Variants in MTDH observed in about 807,000 individuals in gnomAD.
The protein encoded by MTDH is metadherin.
MTDH carries 34 observed loss-of-function variants against 72.7 expected under a neutral mutation model. The ratio of observed to expected loss-of-function variants is 0.47; its 90% CI spans 0.36 to 0.62. MTDH has a LOEUF of 0.62. Ranked by LOEUF, MTDH falls within the 20% of genes least tolerant of loss-of-function variation. MTDH has a pLI of 0.00. For missense variants in MTDH, 677 were observed against 699.4 expected, an observed-to-expected ratio of 0.97 and a Z score of 0.36; for synonymous variants, 266 against 268.9, an observed-to-expected ratio of 0.99 and a Z score of 0.10.
chr8:97,671,430 C>T (rs1812617350), intron 2 of MTDH, among the ~76,000 whole-genome samples: 2 of 152,000 alleles, frequency 1.3e-5, no homozygotes, highest in Non-Finnish European at 2.9e-5. Flanking sequence ...TAAAATCTGC[C>T]ACTGTTCTCG....
At chr8:97,678,057 A>G (rs905117251) in intron 2 of MTDH, among the ~76,000 whole-genome samples, 1 of 152,194 alleles carries the variant, frequency 6.6e-6, no homozygotes, top group African/African-American at 2.4e-5. Context: ...TTAGTACCAG[A>G]GCAAATTTCC....
At chr8:97,698,852 A>T (rs565389119) in intron 6 of MTDH, among the ~76,000 whole-genome samples, 2 of 152,194 alleles carry the variant, frequency 1.3e-5, no homozygotes. Context: ...TGACTTCTTG[A>T]AATTTGTAGG....
In MTDH at chr8:97,682,893, T is replaced by C. The variant is rs1057368442; in HGVS notation, c.484-3775T>C. 1.3e-5 allele frequency among the ~76,000 whole-genome samples: 2 copies of C among 151,998 alleles called. 1 individual carries two copies. Among genetic ancestry groups the C allele is most frequent in the South Asian group, 4.1e-4 (2 of 4,822 alleles). On this transcript the variant is annotated intron_variant, in intron 2 of 11. Transcript: ENST00000336273. ...GTGGGGAACAGGGTTTAGAATGATT[T>C]AGCCCAAAGTCACATAGCTAATGTA...
At chr8:97,717,749 T>G (rs554037614) in intron 9 of MTDH, among the ~76,000 whole-genome samples, 1 of 151,990 alleles carries the variant, frequency 6.6e-6, no homozygotes, top group South Asian at 2.1e-4. Flanking sequence ...TGAGATTGTT[T>G]GTTTGTTTGT....
intron 6 of MTDH, among the ~76,000 whole-genome samples, chr8:97,699,353 C>G (rs908984716): frequency 3.3e-5 from 5 of 151,876 alleles, no homozygotes; most frequent in African/African-American, 1.2e-4. Context: ...AGGAGGATCT[C>G]TTGAGCCTGC....
intron 9 of MTDH, among the ~76,000 whole-genome samples, chr8:97,715,598 A>G (rs16896121): frequency 0.21 from 31,815 of 152,224 alleles, 3,535 homozygotes; most frequent in East Asian, 0.33. Flanking sequence ...TAACATAGCT[A>G]AGATCAGTGG....
At chr8:97,652,275 G>A (rs577272286) in intron 1 of MTDH, among the ~76,000 whole-genome samples, 1 of 152,264 alleles carries the variant, frequency 6.6e-6, no homozygotes, top group African/African-American at 2.4e-5. Flanking sequence ...TGAGTTTCCT[G>A]TCATTTGCTG....
intron 2 of MTDH, among the ~76,000 whole-genome samples, chr8:97,677,180 CAAA>C (rs71271142): frequency 4.5e-5 from 2 of 44,130 alleles, no homozygotes; most frequent in African/African-American, 2.2e-4. Context: ...AAGCCTGTCT[CAAA>C]AAAAAAAAAA....
At chr8:97,678,820 A>C (rs1279762850) in intron 2 of MTDH, among the ~76,000 whole-genome samples, 1 of 152,008 alleles carries the variant, frequency 6.6e-6, no homozygotes, top group East Asian at 1.9e-4. Flanking sequence ...CTTACCAGAT[A>C]CTTTTACAAA....
intron 6 of MTDH, among the ~76,000 whole-genome samples, chr8:97,691,701 G>GTT (rs1457439154): frequency 2.2e-5 from 3 of 138,224 alleles, no homozygotes; most frequent in African/African-American, 8.5e-5. Context: ...GTGTGTGTGT[G>GTT]TTTGTGTGTG....
chr8:97,697,561 A>G (rs954399323), intron 6 of MTDH, among the ~76,000 whole-genome samples: 1 of 151,286 alleles, frequency 6.6e-6, no homozygotes, highest in Non-Finnish European at 1.5e-5. Flanking sequence ...AATTTTTTGT[A>G]TTTTTAGTAG....
At chr8:97,671,705 T>C (rs911910746) in intron 2 of MTDH, among the ~76,000 whole-genome samples, 5 of 152,072 alleles carry the variant, frequency 3.3e-5, no homozygotes, top group African/African-American at 1.2e-4. Context: ...TAGCTTGGCA[T>C]GGTGGTACGT....
chr8:97,669,503 A>G (rs1282459883), intron 2 of MTDH, among the ~76,000 whole-genome samples: 1 of 152,150 alleles, frequency 6.6e-6, no homozygotes, highest in Non-Finnish European at 1.5e-5. Context: ...TCTCGTGTCC[A>G]TTAGCAGTAA....
intron 2 of MTDH, among the ~76,000 whole-genome samples, chr8:97,672,129 G>A (rs911298565): frequency 6.6e-6 from 1 of 152,140 alleles, no homozygotes; most frequent in Non-Finnish European, 1.5e-5. Context: ...GCAAACCATG[G>A]CCAAATCTAG....
At chr8:97,712,963 T>C (rs1310049064) in intron 8 of MTDH, among the ~76,000 whole-genome samples, 1 of 152,248 alleles carries the variant, frequency 6.6e-6, no homozygotes, top group Non-Finnish European at 1.5e-5. Flanking sequence ...ATTCCCCCAT[T>C]GTGTAGCTTG....
chr8:97,655,890 T>C (rs1390530182), intron 1 of MTDH, among the ~76,000 whole-genome samples: 1 of 152,204 alleles, frequency 6.6e-6, no homozygotes, highest in African/African-American at 2.4e-5. Flanking sequence ...TGTAAATGTG[T>C]AAGACAAAGT....
chr8:97,656,064 A>T (rs1563522256), intron 1 of MTDH, among the ~76,000 whole-genome samples: 1 of 152,138 alleles, frequency 6.6e-6, no homozygotes, highest in Non-Finnish European at 1.5e-5. Flanking sequence ...AAGTTGGTAG[A>T]CTGCCCTTCT....
At chr8:97,720,728 G>A (rs1467979764) in intron 10 of MTDH, among the ~76,000 whole-genome samples, 2 of 147,102 alleles carry the variant, frequency 1.4e-5, no homozygotes, top group East Asian at 2.0e-4. Flanking sequence ...ATCTCGGCTC[G>A]CTGCAACCTC....
In MTDH at chr8:97,687,613, A is replaced by T; in HGVS notation, c.745+8A>T. The T allele has an allele frequency of 6.3e-7, 1 of 1,590,722 alleles. No individual in the cohort carries two copies. Among genetic ancestry groups the T allele is most frequent in the Non-Finnish European group, 8.6e-7 (1 of 1,168,536 alleles). On this transcript the variant is annotated splice_region_variant and intron_variant, in intron 4 of 11. Transcript: ENST00000336273. ...GTTCCAAGAAGAATAAAGGTATATTAGTGGAACATAAGACAGTGGTACATC... is the reference window on the plus strand; with the variant it reads ...GTTCCAAGAAGAATAAAGGTATATTTGTGGAACATAAGACAGTGGTACATC...
Sources: allele counts gnomAD v4.1 joint callset (sites outside exome capture counted in the v4.1 genomes callset), GRCh38; gene constraint gnomAD v4.1.1; transcripts MANE v1.5; gene names NCBI Gene and HGNC (gene_info 2026-07-23, HGNC 2026-07-21).